Variants in LRP1B observed in about 807,000 individuals in gnomAD.
LRP1B encodes low-density lipoprotein receptor-related protein 1B.
A neutral mutation model predicts 556.6 loss-of-function variants in LRP1B; 217 were observed. The observed-to-expected ratio is 0.39, with a 90% confidence interval of 0.35 to 0.44. The LOEUF is 0.44. LRP1B is among the 20% of genes least tolerant of loss of function. The pLI, the probability that LRP1B is intolerant of heterozygous loss-of-function variation, is 1.00. For synonymous variants in LRP1B, 2,047 were observed against 1,865.8 expected, an observed-to-expected ratio of 1.10 and a Z score of -2.50; for missense variants, 5,053 against 5,620.8, an observed-to-expected ratio of 0.90 and a Z score of 3.23.
chr2:140,420,795 C>T (rs1260382853), intron 66 of LRP1B, among the ~76,000 whole-genome samples: 1 of 152,108 alleles, frequency 6.6e-6, no homozygotes, highest in African/African-American at 2.4e-5. Flanking sequence ...GCACAGTAAT[C>T]TAGTGACTTC....
At chr2:141,644,157 T>C (rs1222127633) in intron 2 of LRP1B, among the ~76,000 whole-genome samples, 1 of 152,018 alleles carries the variant, frequency 6.6e-6, no homozygotes, top group African/African-American at 2.4e-5. Context: ...TCTCTATTAG[T>C]GATGTGGTTT....
intron 2 of LRP1B, among the ~76,000 whole-genome samples, chr2:141,606,017 T>C (rs141294591): frequency 2.8e-4 from 42 of 152,290 alleles, no homozygotes; most frequent in Middle Eastern, 3.4e-3. Flanking sequence ...CGAAAGTCTA[T>C]GAATGGCTCT....
intron 1 of LRP1B, among the ~76,000 whole-genome samples, chr2:141,864,184 A>C (rs983113734): frequency 6.6e-6 from 1 of 152,214 alleles, no homozygotes; most frequent in Non-Finnish European, 1.5e-5. Flanking sequence ...ATTATTGTGA[A>C]TAACTAATGA....
chr2:142,060,670 G>A (rs1217784361), intron 1 of LRP1B, among the ~76,000 whole-genome samples: 1 of 152,004 alleles, frequency 6.6e-6, no homozygotes, highest in African/African-American at 2.4e-5. Context: ...GTGAATTCAT[G>A]TGGTTACTCC....
chr2:142,100,199 A>G (rs1706523018), intron 1 of LRP1B, among the ~76,000 whole-genome samples: 1 of 151,922 alleles, frequency 6.6e-6, no homozygotes, highest in African/African-American at 2.4e-5. Flanking sequence ...CCTGGAAGGA[A>G]GTGTAGGGTT....
chr2:141,853,929 C>CA (rs1237769684), intron 1 of LRP1B, among the ~76,000 whole-genome samples: 1 of 151,764 alleles, frequency 6.6e-6, no homozygotes, highest in East Asian at 1.9e-4. Context: ...ATAAATATTC[C>CA]AATTATTAAA....
chr2:140,573,326 A>T (rs1179675509), intron 43 of LRP1B, among the ~76,000 whole-genome samples: 1 of 151,880 alleles, frequency 6.6e-6, no homozygotes, highest in African/African-American at 2.4e-5. Flanking sequence ...TTTAGGGTAA[A>T]AATGAAGGAT....
chr2:141,981,071 C>A (rs1702030711), intron 1 of LRP1B, among the ~76,000 whole-genome samples: 1 of 152,074 alleles, frequency 6.6e-6, no homozygotes, highest in Admixed American at 6.6e-5. Context: ...CCATTAACAA[C>A]TGCGTGACCT....
chr2:141,713,608 G>A (rs1223823226), intron 2 of LRP1B, among the ~76,000 whole-genome samples: 1 of 152,064 alleles, frequency 6.6e-6, no homozygotes. Context: ...TAGTTAAAAT[G>A]AATTCTTTTA....
intron 73 of LRP1B, among the ~76,000 whole-genome samples, 186 bp from the exon 74 acceptor site, chr2:140,358,302 G>A (rs1466989425): frequency 6.6e-6 from 1 of 151,508 alleles, no homozygotes; most frequent in Non-Finnish European, 1.5e-5. Context: ...GTAACTGTGT[G>A]TTTACTTTAA....
chr2:141,057,628 C>T (rs1699215472), intron 9 of LRP1B, among the ~76,000 whole-genome samples: 1 of 151,786 alleles, frequency 6.6e-6, no homozygotes, highest in African/African-American at 2.4e-5. Context: ...TTTTCCTGCA[C>T]AAGCTCTCTG....
chr2:140,275,521 C>T (rs1042339334), intron 84 of LRP1B, among the ~76,000 whole-genome samples: 1 of 151,936 alleles, frequency 6.6e-6, no homozygotes, highest in African/African-American at 2.4e-5. Flanking sequence ...ACCCCTGCAC[C>T]AGACTTTAGT....
At chr2:141,702,065 G>T (rs1398329585) in intron 2 of LRP1B, among the ~76,000 whole-genome samples, 2 of 151,872 alleles carry the variant, frequency 1.3e-5, no homozygotes, top group African/African-American at 4.8e-5. Flanking sequence ...ATGATAGAAG[G>T]AACTGGGGAA....
intron 18 of LRP1B, among the ~76,000 whole-genome samples, chr2:140,955,098 G>C (rs530557655): frequency 6.6e-6 from 1 of 152,024 alleles, no homozygotes; most frequent in Non-Finnish European, 1.5e-5. Context: ...CAAGAAGTCA[G>C]AAGAGATATC....
At chr2:140,843,202 T>C (rs921100461) in intron 29 of LRP1B, among the ~76,000 whole-genome samples, 1 of 151,270 alleles carries the variant, frequency 6.6e-6, no homozygotes, top group African/African-American at 2.4e-5. Context: ...GCCTGGAGAA[T>C]ATATTCCACT....
At chr2:141,931,518 T>C (rs546361248) in intron 1 of LRP1B, among the ~76,000 whole-genome samples, 6 of 152,156 alleles carry the variant, frequency 3.9e-5, no homozygotes, top group Non-Finnish European at 4.4e-5. Context: ...CAATTCCATG[T>C]GGTGCTTAAG....
At chr2:140,694,416 C>T (rs1244779324) in intron 41 of LRP1B, among the ~76,000 whole-genome samples, 3 of 152,118 alleles carry the variant, frequency 2.0e-5, no homozygotes, top group African/African-American at 7.2e-5. Flanking sequence ...ACTCTTGTTG[C>T]TGATGAGAAG....
chr2:142,101,080 C>G (rs6429953), intron 1 of LRP1B, among the ~76,000 whole-genome samples: 4,798 of 151,934 alleles, frequency 0.032, 244 homozygotes, highest in African/African-American at 0.11. Flanking sequence ...TGTGAGTGAA[C>G]TAGAGGGAAA....
intron 32 of LRP1B, among the ~76,000 whole-genome samples, chr2:140,807,879 G>A (rs1388539395): frequency 6.6e-6 from 1 of 150,976 alleles, no homozygotes; most frequent in Non-Finnish European, 1.5e-5. Flanking sequence ...ATCACCTGTG[G>A]TCAGGAGTTC....
Sources: gnomAD v4.1 joint callset for allele counts (sites outside exome capture counted in the v4.1 genomes callset) on GRCh38, gnomAD v4.1.1 for gene constraint, MANE v1.5 for transcripts, NCBI Gene and HGNC (gene_info 2026-07-23, HGNC 2026-07-21) for gene names.